Variants in ACSM2A observed in about 807,000 individuals in gnomAD.
The protein encoded by ACSM2A is acyl-CoA synthetase medium chain family member 2A.
A neutral mutation model predicts 76.6 loss-of-function variants in ACSM2A; 72 were observed. The ratio of observed to expected loss-of-function variants is 0.94; its 90% CI spans 0.78 to 1.14. The LOEUF (loss-of-function observed/expected upper bound fraction) is 1.14. Among genes scored for constraint, ACSM2A ranks in the 50% most tolerant of loss-of-function variants. The pLI, the probability that ACSM2A is intolerant of heterozygous loss-of-function variation, is 0.00. For missense variants in ACSM2A, 684 were observed against 708.5 expected, an observed-to-expected ratio of 0.97 and a Z score of 0.39; for synonymous variants, 249 against 255.9, an observed-to-expected ratio of 0.97 and a Z score of 0.26.
chr16:20,480,800 T>G, intron 11 of ACSM2A, 22 bp from the exon 12 acceptor site: 1 of 1,613,922 alleles, frequency 6.2e-7, no homozygotes, highest in South Asian at 1.1e-5. Context: ...CAGTGTTCTC[T>G]GAAGGACAGG....
At chr16:20,469,870 G>GTTTTTTTTTTTTTTTTTTTTTT in intron 4 of ACSM2A, 151 bp downstream of exon 4, 1 of 589,460 alleles carries the variant, frequency 1.7e-6, no homozygotes, top group Non-Finnish European at 2.5e-6. Flanking sequence ...TAACACAAGG[G>GTTTTTTTTTTTTTTTTTTTTTT]TATTTTTTTT....
chr16:20,459,240 C>T (rs1319208603), intron 1 of ACSM2A, among the ~76,000 whole-genome samples: 1 of 151,886 alleles, frequency 6.6e-6, no homozygotes, highest in Non-Finnish European at 1.5e-5. Context: ...GTGATGGGTG[C>T]ACAACAATGT....
chr16:20,454,667 G>C (rs1191999991), intron 1 of ACSM2A, among the ~76,000 whole-genome samples: 1 of 151,958 alleles, frequency 6.6e-6, no homozygotes, highest in Non-Finnish European at 1.5e-5. Context: ...CAATAGCCTT[G>C]AGCCCCAGAT....
chr16:20,472,077 A>T (rs577994896), intron 6 of ACSM2A, among the ~76,000 whole-genome samples: 1 of 152,122 alleles, frequency 6.6e-6, no homozygotes, highest in Non-Finnish European at 1.5e-5. Flanking sequence ...GTGAGTGCAC[A>T]TTTCATTTCC....
At chr16:20,455,238 G>A (rs1240085410) in intron 1 of ACSM2A, among the ~76,000 whole-genome samples, 1 of 151,238 alleles carries the variant, frequency 6.6e-6, no homozygotes, top group Non-Finnish European at 1.5e-5. Flanking sequence ...AAATAATCAA[G>A]GAAAACTTTC....
At chr16:20,471,999 G>A (rs577866920) in intron 6 of ACSM2A, among the ~76,000 whole-genome samples, 11 of 152,312 alleles carry the variant, frequency 7.2e-5, no homozygotes, top group African/African-American at 2.2e-4. Context: ...GGTGAACCAC[G>A]TGTAAAAGGG....
chr16:20,459,354 G>T (rs748410927), intron 1 of ACSM2A, among the ~76,000 whole-genome samples: 1 of 152,170 alleles, frequency 6.6e-6, no homozygotes, highest in Non-Finnish European at 1.5e-5. Context: ...TAGGACCTGG[G>T]ATTTAGGATT....
At chr16:20,476,309 A>G in intron 8 of ACSM2A, 1 of 978,444 alleles carries the variant, frequency 1.0e-6, no homozygotes, top group Non-Finnish European at 1.2e-6. Flanking sequence ...ATACTATTTT[A>G]CTTATCAAAA....
chr16:20,478,483 G>A (rs567673637), intron 9 of ACSM2A, 93 bp from the exon 10 acceptor site: 24 of 1,446,592 alleles, frequency 1.7e-5, no homozygotes, highest in Middle Eastern at 3.6e-4. Context: ...AGAGCAAGAG[G>A]GTCTTTCATT....
chr16:20,468,324 G>C (rs1213693421), intron 3 of ACSM2A, among the ~76,000 whole-genome samples: 1 of 152,188 alleles, frequency 6.6e-6, no homozygotes, highest in Non-Finnish European at 1.5e-5. Flanking sequence ...TGTGGTTTAA[G>C]CTTCACAAAA....
chr16:20,458,924 A>G (rs1596641892), intron 1 of ACSM2A, among the ~76,000 whole-genome samples: 1 of 63,876 alleles, frequency 1.6e-5, no homozygotes, highest in Admixed American at 1.4e-4. Context: ...ATATATATAT[A>G]TATATATACA....
chr16:20,479,354 C>G (rs533725983), intron 10 of ACSM2A, among the ~76,000 whole-genome samples: 1 of 152,108 alleles, frequency 6.6e-6, no homozygotes, highest in East Asian at 1.9e-4. Flanking sequence ...CAAGCATTGT[C>G]CTATAAACAC....
At chr16:20,483,519 G>A (rs572904158) in intron 13 of ACSM2A, among the ~76,000 whole-genome samples, 2 of 122,192 alleles carry the variant, frequency 1.6e-5, no homozygotes, top group Non-Finnish European at 3.2e-5. Flanking sequence ...ACAGTGAGCC[G>A]AGATTGTGCC....
chr16:20,476,196 G>A, intron 8 of ACSM2A: 1 of 1,002,646 alleles, frequency 1.0e-6, no homozygotes, highest in African/African-American at 1.7e-5. Context: ...AGACTGAAGT[G>A]AGGAATGGGA....
At chr16:20,463,321 G>A (rs532372604) in intron 2 of ACSM2A, among the ~76,000 whole-genome samples, 1 of 151,624 alleles carries the variant, frequency 6.6e-6, no homozygotes, top group Non-Finnish European at 1.5e-5. Context: ...AATTGGAAGG[G>A]CAGGAGCAAA....
Position 20,480,642 on chromosome 16 carries a change from G to C in ACSM2A, c.1351G>C (p.Asp451His), listed in dbSNP as rs572272646. ...FWLLGDRGIK[D>H]EDGYFQFMGR... ...GCTCCTTGGAGACCGGGGAATCAAAGATGAAGATGGGTATTTCCAGTTTAT... is the reference window on the plus strand; with the variant it reads ...GCTCCTTGGAGACCGGGGAATCAAACATGAAGATGGGTATTTCCAGTTTAT... The change falls in exon 11 of 14, where the codon GAT becomes CAT. Residue 451 changes from aspartate (D) to histidine (H), a missense_variant. By Grantham distance (81) the Asp-to-His change is moderately conservative (BLOSUM62 -1). This residue lies in a region of ACSM2A where 6 missense variants were observed against 26.6 expected (regional missense o/e 0.23). Coordinates refer to ENST00000573854, the MANE Select transcript of ACSM2A (RefSeq NM_001308172.2). 21 of 1,612,780 alleles carry C rather than the reference G, an allele frequency of 1.3e-5. No individual in the cohort carries two copies. In the African/African-American group the frequency reaches 1.7e-4, roughly 13 times the overall value.
At chr16:20,456,592 T>A (rs544032881) in intron 1 of ACSM2A, among the ~76,000 whole-genome samples, 1 of 151,414 alleles carries the variant, frequency 6.6e-6, no homozygotes, top group Non-Finnish European at 1.5e-5. Context: ...TTTAAAAATT[T>A]CTCACACTGA....
rs139654203 is a variant in ACSM2A at position 20,477,125 on chromosome 16, G to A, written c.1099-244G>A. 3.7e-3 allele frequency: 1,996 copies of A among 535,682 alleles called. 31 individuals carry two copies. The highest frequency in any genetic ancestry group is 0.035 in the African/African-American group (1,781 of 51,600). 33.2% of individuals were successfully genotyped at this position (535,682 alleles called of 1,614,324 possible). On this transcript the variant is annotated intron_variant, in intron 8 of 13. Coordinates refer to ENST00000573854, the MANE Select transcript of ACSM2A (RefSeq NM_001308172.2). ...TTCCCCCTAAAAGAGATTATAATGT[G>A]ATTGTTAGGTCCTCTTCCTGGGGAG...
intron 3 of ACSM2A, 85 bp downstream of exon 3, chr16:20,465,812 G>A (rs2012961803): frequency 5.9e-6 from 9 of 1,524,038 alleles, no homozygotes; most frequent in Middle Eastern, 1.9e-4. Context: ...TCTCTCAAAA[G>A]AAGTCTCCTC....
Sources: allele counts gnomAD v4.1 joint callset (sites outside exome capture counted in the v4.1 genomes callset), GRCh38; gene constraint gnomAD v4.1.1; regional missense constraint gnomAD v4.1.1; transcripts MANE v1.5; gene names NCBI Gene and HGNC (gene_info 2026-07-23, HGNC 2026-07-21).